IMMP2L: variants seen among roughly 807,000 people sequenced by gnomAD.
IMMP2L encodes inner mitochondrial membrane peptidase subunit 2, also known as mitochondrial inner membrane protease subunit 2.
IMMP2L carries 18 observed loss-of-function variants against 19.3 expected under a neutral mutation model. That is an observed-to-expected ratio of 0.93 (90% CI 0.64 to 1.38). IMMP2L has a LOEUF of 1.38. Among genes scored for constraint, IMMP2L ranks in the 40% most tolerant of loss-of-function variants. The pLI is 0.00. For missense variants in IMMP2L, 233 were observed against 218.2 expected, an observed-to-expected ratio of 1.07 and a Z score of -0.43; for synonymous variants, 76 against 73.0, an observed-to-expected ratio of 1.04 and a Z score of -0.21.
chr7:111,187,794 T>A (rs1204626308), intron 3 of IMMP2L, among the ~76,000 whole-genome samples: 1 of 152,104 alleles, frequency 6.6e-6, no homozygotes, highest in Non-Finnish European at 1.5e-5. Context: ...CACAGAGACC[T>A]TGAATCACCT....
At chr7:111,548,097 G>A (rs569796012) in intron 1 of IMMP2L, among the ~76,000 whole-genome samples, 34 of 152,054 alleles carry the variant, frequency 2.2e-4, no homozygotes, top group African/African-American at 7.7e-4. Context: ...ATTTCCCCAC[G>A]TTTAGCCTGG....
At chr7:111,463,442 T>C (rs1840323258) in intron 3 of IMMP2L, among the ~76,000 whole-genome samples, 1 of 152,122 alleles carries the variant, frequency 6.6e-6, no homozygotes, top group African/African-American at 2.4e-5. Flanking sequence ...TCCATGCTTC[T>C]TTAATTTCTA....
At chr7:110,665,752 A>G (rs1791405686) in intron 5 of IMMP2L, among the ~76,000 whole-genome samples, 1 of 152,204 alleles carries the variant, frequency 6.6e-6, no homozygotes, top group Non-Finnish European at 1.5e-5. Context: ...TTGATCACTT[A>G]AGGCAATATT....
At chr7:111,366,707 T>C (rs1829794114) in intron 3 of IMMP2L, among the ~76,000 whole-genome samples, 1 of 151,984 alleles carries the variant, frequency 6.6e-6, no homozygotes, top group African/African-American at 2.4e-5. Context: ...AGGAAGGCAA[T>C]AATATCTGAA....
chr7:111,392,623 T>C (rs1832470605), intron 3 of IMMP2L, among the ~76,000 whole-genome samples: 1 of 152,108 alleles, frequency 6.6e-6, no homozygotes, highest in African/African-American at 2.4e-5. Flanking sequence ...ATTCTGATAA[T>C]AACAACCAGG....
intron 4 of IMMP2L, 136 bp from the exon 5 acceptor site, chr7:110,886,831 T>G: frequency 2.0e-6 from 1 of 491,366 alleles, no homozygotes; most frequent in Non-Finnish European, 3.7e-6. Context: ...CATAATTTCA[T>G]TTTTAAGGAA....
intron 1 of IMMP2L, among the ~76,000 whole-genome samples, chr7:111,539,182 A>AGGAC: frequency 1.4e-5 from 1 of 70,226 alleles, no homozygotes; most frequent in Non-Finnish European, 2.7e-5. Context: ...GAAGGAAGGA[A>AGGAC]GGAAGGAAGG....
At chr7:110,759,007 T>G (rs1387223869) in intron 5 of IMMP2L, among the ~76,000 whole-genome samples, 1 of 152,118 alleles carries the variant, frequency 6.6e-6, no homozygotes, top group Non-Finnish European at 1.5e-5. Context: ...ATGAAAGGTA[T>G]TTAGTCTCTA....
chr7:110,881,754 T>C (rs1243827340), intron 5 of IMMP2L, among the ~76,000 whole-genome samples: 1 of 152,236 alleles, frequency 6.6e-6, no homozygotes, highest in African/African-American at 2.4e-5. Flanking sequence ...CACAAGATTA[T>C]TCTGTATTGT....
At chr7:110,992,877 C>T (rs1822632814) in intron 3 of IMMP2L, among the ~76,000 whole-genome samples, 1 of 152,032 alleles carries the variant, frequency 6.6e-6, no homozygotes, top group South Asian at 2.1e-4. Flanking sequence ...ATTCAGTCCC[C>T]AGAGATAAAA....
chr7:111,379,437 G>C (rs1267489200), intron 3 of IMMP2L, among the ~76,000 whole-genome samples: 1 of 151,658 alleles, frequency 6.6e-6, no homozygotes, highest in African/African-American at 2.4e-5. Context: ...AATATGTCAA[G>C]ATGTTTACAT....
At chr7:111,221,510 A>C (rs1224518223) in intron 3 of IMMP2L, among the ~76,000 whole-genome samples, 1 of 151,638 alleles carries the variant, frequency 6.6e-6, no homozygotes, top group Non-Finnish European at 1.5e-5. Context: ...AGAGAGAGAG[A>C]GAGCAAGAGA....
intron 3 of IMMP2L, among the ~76,000 whole-genome samples, chr7:111,150,512 A>G (rs1362072013): frequency 3.9e-5 from 6 of 152,186 alleles, no homozygotes; most frequent in Admixed American, 2.0e-4. Flanking sequence ...ACAGAGTCTG[A>G]CAGACATTTG....
intron 3 of IMMP2L, among the ~76,000 whole-genome samples, chr7:111,388,273 G>A (rs770574569): frequency 6.6e-6 from 1 of 151,956 alleles, no homozygotes; most frequent in Non-Finnish European, 1.5e-5. Context: ...GACCCATACA[G>A]CTGTAAAATT....
intron 3 of IMMP2L, among the ~76,000 whole-genome samples, chr7:111,307,325 T>A (rs1822988909): frequency 1.3e-5 from 2 of 151,888 alleles, no homozygotes; most frequent in Admixed American, 1.3e-4. Context: ...ATTCTTATTT[T>A]AACAGTATTT....
intron 3 of IMMP2L, among the ~76,000 whole-genome samples, chr7:111,151,466 C>A (rs1011132984): frequency 1.3e-5 from 2 of 152,018 alleles, no homozygotes; most frequent in Non-Finnish European, 2.9e-5. Context: ...GAGAAAGAGA[C>A]AGAGACAGAA....
intron 3 of IMMP2L, among the ~76,000 whole-genome samples, chr7:111,352,788 C>G (rs1255947289): frequency 6.6e-6 from 1 of 152,092 alleles, no homozygotes; most frequent in Non-Finnish European, 1.5e-5. Context: ...AGTCTCTAGT[C>G]ACAGCATTTG....
intron 3 of IMMP2L, among the ~76,000 whole-genome samples, chr7:111,381,559 T>C (rs1284804245): frequency 6.6e-6 from 1 of 151,984 alleles, no homozygotes; most frequent in Non-Finnish European, 1.5e-5. Context: ...ACAGTACTTG[T>C]ATAGATGAAA....
intron 3 of IMMP2L, among the ~76,000 whole-genome samples, chr7:110,968,965 T>G (rs775792094): frequency 3.5e-4 from 54 of 152,120 alleles, no homozygotes; most frequent in Non-Finnish European, 4.3e-4. Context: ...CTTACATGGA[T>G]AGACTATATT....
Sources: allele counts gnomAD v4.1 joint callset (sites outside exome capture counted in the v4.1 genomes callset), GRCh38; gene constraint gnomAD v4.1.1; transcripts MANE v1.5; gene names NCBI Gene and HGNC (gene_info 2026-07-23, HGNC 2026-07-21).